YTHDF2: variants seen among roughly 807,000 people sequenced by gnomAD.
YTHDF2 encodes YTH domain-containing family protein 2.
A neutral mutation model predicts 50.4 loss-of-function variants in YTHDF2; 2 were observed. That is an observed-to-expected ratio of 0.04 (90% CI 0.02 to 0.12). YTHDF2 has a LOEUF of 0.12. Ranked by LOEUF, YTHDF2 falls within the 10% of genes least tolerant of loss-of-function variation. YTHDF2 has a pLI of 1.00. For missense variants in YTHDF2, 483 were observed against 722.6 expected (o/e 0.67, Z 3.80); for synonymous variants, 217 against 255.6 (o/e 0.85, Z 1.44).
In YTHDF2 at chr1:28,737,373, C is replaced by G. The variant is rs903000368; in HGVS notation, c.27+226C>G. On this transcript the variant is annotated intron_variant, in intron 1 of 4. Transcript: ENST00000373812. ...CACGGGCCGGGCCGCGCCGCGTTCC[C>G]TTCTCTCGGCGGGCCTCGTTTTCCT... 1.1e-5 allele frequency: 7 copies of G among 633,952 alleles called. No individual in the cohort carries two copies. The Admixed American group carries it at 2.2e-4, about 20-fold the overall frequency. 39.3% of individuals were successfully genotyped at this position (633,952 alleles called of 1,614,324 possible).
At chr1:28,740,815 T>C (rs1418468032) in intron 3 of YTHDF2, among the ~76,000 whole-genome samples, 5 of 151,348 alleles carry the variant, frequency 3.3e-5, no homozygotes, top group Non-Finnish European at 5.9e-5. Context: ...ACCATTCTCC[T>C]GCCTCAGCCT....
rs755695080 is a variant in YTHDF2 at position 28,743,246 on chromosome 1, A to G, written c.976A>G (p.Thr326Ala). The G allele has an allele frequency of 1.1e-5, 17 of 1,613,968 alleles. No individual in the cohort carries two copies. The highest frequency in any genetic ancestry group is 4.2e-6 in the Non-Finnish European group (5 of 1,180,038). Reference sequence around the variant, plus strand: ...GGCTCAGGCATCAGTAGGGCAACAGACACAGCCATTGCCTCCACCTCCACC... The same window carrying G: ...GGCTCAGGCATCAGTAGGGCAACAGGCACAGCCATTGCCTCCACCTCCACC... ...PVAQASVGQQ[T>A]QPLPPPPPQP... The change falls in exon 4 of 5, where the codon ACA becomes GCA. Residue 326 changes from threonine to alanine, a missense_variant. Thr to Ala is a moderately conservative substitution (Grantham distance 58). Around this residue, in one of 4 missense-constraint regions of YTHDF2, gnomAD observed 385 missense variants for 475.8 expected, o/e 0.81. Coordinates refer to ENST00000373812, the MANE Select transcript of YTHDF2 (RefSeq NM_016258.3). This position sits in a 1 kb window ranked among gnomAD's most constrained non-coding sequence, Gnocchi z 6.9.
intron 4 of YTHDF2, among the ~76,000 whole-genome samples, chr1:28,747,608 A>G (rs1487011409): frequency 7.1e-6 from 1 of 140,398 alleles, no homozygotes; most frequent in Non-Finnish European, 1.5e-5. Context: ...GCTGGAGTGC[A>G]GGGGTTTCAC....
In YTHDF2 at chr1:28,743,432, G is replaced by A. The variant is rs572009643; in HGVS notation, c.1162G>A (p.Val388Met). The stretch of plus-strand genomic sequence containing the variant: ...ATCTACTCCTTCAGAACCCCACCCA[G>A]TGTTGGAGAAGCTTCGGTCCATTAA... ...SGSTPSEPHP[V>M]LEKLRSINNY... is the part of the protein sequence containing the mutation. Residue 388 changes from valine to methionine, a missense_variant, in exon 4 of 5, where the codon GTG becomes ATG. Around this residue, in one of 4 missense-constraint regions of YTHDF2, gnomAD observed 385 missense variants for 475.8 expected, o/e 0.81. Coordinates refer to ENST00000373812, the MANE Select transcript of YTHDF2 (RefSeq NM_016258.3). This position sits in a 1 kb window ranked among gnomAD's most constrained non-coding sequence, Gnocchi z 6.9. 4.3e-6 allele frequency: 7 copies of A among 1,614,190 alleles called. No individual in the cohort carries two copies. The African/African-American group carries it at 6.7e-5, about 15-fold the overall frequency.
chr1:28,744,053 T>C, intron 4 of YTHDF2, 67 bp downstream of exon 4: 4 of 1,443,248 alleles, frequency 2.8e-6, no homozygotes, highest in Non-Finnish European at 3.7e-6. Context: ...AGAGGTATTA[T>C]ATAGTGAACC....
chr1:28,766,955 C>G (rs1014089824), intron 4 of YTHDF2, among the ~76,000 whole-genome samples: 1 of 151,864 alleles, frequency 6.6e-6, no homozygotes, highest in Non-Finnish European at 1.5e-5. Flanking sequence ...AGCTCACCCC[C>G]CAAGTAGCTG....
intron 4 of YTHDF2, among the ~76,000 whole-genome samples, chr1:28,760,982 A>G (rs1458863695): frequency 6.6e-6 from 1 of 152,152 alleles, no homozygotes; most frequent in Non-Finnish European, 1.5e-5. Flanking sequence ...ACCACAAACA[A>G]GTGAGTAATG....
In YTHDF2 at chr1:28,743,432, G is replaced by C. The variant is rs572009643; in HGVS notation, c.1162G>C (p.Val388Leu). 3.9e-5 allele frequency: 63 copies of C among 1,614,072 alleles called. No individual in the cohort carries two copies. Among genetic ancestry groups the C allele is most frequent in the Admixed American group, 6.7e-5 (4 of 59,996 alleles). The change falls in exon 4 of 5, where the codon GTG (valine) becomes CTG (leucine). Residue 388 changes from valine (V) to leucine (L), a missense_variant. Physicochemically the swap from Val to Leu is conservative, Grantham distance 32 (BLOSUM62 1). Transcript: ENST00000373812. This position sits in a 1 kb window ranked among gnomAD's most constrained non-coding sequence, Gnocchi z 6.9. Reference sequence around the variant, plus strand: ...ATCTACTCCTTCAGAACCCCACCCAGTGTTGGAGAAGCTTCGGTCCATTAA... The same window carrying C: ...ATCTACTCCTTCAGAACCCCACCCACTGTTGGAGAAGCTTCGGTCCATTAA... ...SGSTPSEPHP[V>L]LEKLRSINNY...
chr1:28,749,255 A>C (rs2087912281), intron 4 of YTHDF2, among the ~76,000 whole-genome samples: 1 of 139,744 alleles, frequency 7.2e-6, no homozygotes. Context: ...GCAGTGGCGC[A>C]TTCTCGGCCC....
intron 4 of YTHDF2, among the ~76,000 whole-genome samples, chr1:28,745,666 G>C (rs956595708): frequency 1.3e-4 from 20 of 150,948 alleles, no homozygotes; most frequent in Non-Finnish European, 2.8e-4. Flanking sequence ...CAGAGGTTGC[G>C]GTGAGCCGAG....
intron 4 of YTHDF2, 120 bp from the exon 5 acceptor site, chr1:28,768,809 T>G (rs777705356): frequency 2.4e-5 from 19 of 800,206 alleles, no homozygotes; most frequent in Non-Finnish European, 3.5e-5. Context: ...CTTAGAATAA[T>G]TAATTTTCTA....
At chr1:28,761,901 C>CT (rs1382064022) in intron 4 of YTHDF2, among the ~76,000 whole-genome samples, 2 of 152,082 alleles carry the variant, frequency 1.3e-5, no homozygotes, top group African/African-American at 4.8e-5. Context: ...ATGAAAAATA[C>CT]TTTGTCTCTT....
At chr1:28,746,730 A>G (rs1025762646) in intron 4 of YTHDF2, among the ~76,000 whole-genome samples, 11 of 152,094 alleles carry the variant, frequency 7.2e-5, no homozygotes, top group Admixed American at 7.2e-4. Flanking sequence ...ACTGCACTCC[A>G]GCCTGGGCGA....
chr1:28,759,407 A>G (rs1038612700), intron 4 of YTHDF2, among the ~76,000 whole-genome samples: 3 of 152,202 alleles, frequency 2.0e-5, no homozygotes, highest in Admixed American at 6.6e-5. Context: ...TAGATATACA[A>G]TCATGCATCC....
chr1:28,751,736 T>C (rs1031222477), intron 4 of YTHDF2, among the ~76,000 whole-genome samples: 8 of 152,218 alleles, frequency 5.3e-5, no homozygotes, highest in Non-Finnish European at 7.3e-5. Flanking sequence ...GGCACCATCT[T>C]TGCCTTAGAA....
At chr1:28,760,335 C>T (rs1359392669) in intron 4 of YTHDF2, among the ~76,000 whole-genome samples, 1 of 151,148 alleles carries the variant, frequency 6.6e-6, no homozygotes. Context: ...TGCTGTGTCG[C>T]CCAGGCTGGA....
intron 4 of YTHDF2, among the ~76,000 whole-genome samples, chr1:28,759,972 A>G (rs1250400801): frequency 6.6e-6 from 1 of 152,150 alleles, no homozygotes; most frequent in East Asian, 1.9e-4. Context: ...AAAGAAAAAC[A>G]AAAACTTACA....
intron 4 of YTHDF2, among the ~76,000 whole-genome samples, chr1:28,744,566 A>G (rs2087830102): frequency 6.6e-6 from 1 of 152,232 alleles, no homozygotes; most frequent in Non-Finnish European, 1.5e-5. Flanking sequence ...GTTGAATTTG[A>G]AAGAGTTGGT....
At chr1:28,762,652 G>A (rs2088153669) in intron 4 of YTHDF2, among the ~76,000 whole-genome samples, 1 of 152,000 alleles carries the variant, frequency 6.6e-6, no homozygotes, top group Admixed American at 6.6e-5. Flanking sequence ...GGAGAGGGAG[G>A]GATAGAACAG....
Sources: allele counts gnomAD v4.1 joint callset (sites outside exome capture counted in the v4.1 genomes callset), GRCh38; gene constraint gnomAD v4.1.1; regional missense constraint gnomAD v4.1.1; non-coding constraint Gnocchi (gnomAD v3.1); transcripts MANE v1.5; gene names NCBI Gene and HGNC (gene_info 2026-07-23, HGNC 2026-07-21).